Variants in CYP3A7 observed in about 807,000 individuals in gnomAD.
The protein encoded by CYP3A7 is cytochrome P450 family 3 subfamily A member 7.
A neutral mutation model predicts 55.2 loss-of-function variants in CYP3A7; 45 were observed. The observed-to-expected ratio is 0.82, with a 90% CI of 0.64 to 1.05. The LOEUF (loss-of-function observed/expected upper bound fraction) is 1.05. Among genes scored for constraint, CYP3A7 ranks in the 50% least tolerant of loss-of-function variants. The probability of loss-of-function intolerance (pLI) is 0.00; values close to 1 mark genes in which losing one functional copy is unlikely to be tolerated. For missense variants in CYP3A7, 548 were observed against 605.3 expected (o/e 0.91, Z 0.99); for synonymous variants, 180 against 207.4 (o/e 0.87, Z 1.13).
intron 4 of CYP3A7, among the ~76,000 whole-genome samples, chr7:99,719,443 C>G (rs12673716): frequency 6.6e-6 from 1 of 152,098 alleles, no homozygotes; most frequent in South Asian, 2.1e-4. Flanking sequence ...GAACGTTGAT[C>G]TAAATCTCAT....
Position 99,730,025 on chromosome 7 carries a change from T to A in CYP3A7, c.165+1034A>T, listed in dbSNP as rs752469763. ...AAGCCCTCACTTAGGAGAACTAGAA[T>A]CTGAGAAACAAGCCTCAGGTATGCA... On this transcript the variant is annotated intron_variant, in intron 2 of 12. Transcript: ENST00000336374. 2.6e-4 allele frequency among the ~76,000 whole-genome samples: 40 copies of A among 152,160 alleles called. 1 individual carries two copies. Among genetic ancestry groups the A allele is most frequent in the Non-Finnish European group, 1.0e-4 (7 of 68,030 alleles).
intron 2 of CYP3A7, among the ~76,000 whole-genome samples, chr7:99,722,982 G>A (rs188885424): frequency 2.0e-5 from 3 of 152,078 alleles, no homozygotes; most frequent in African/African-American, 4.8e-5. Context: ...TCTACACATC[G>A]GAGACAGAAA....
Position 99,717,570 on chromosome 7 carries a change from G to T in CYP3A7, c.388C>A (p.Arg130=), listed in dbSNP as rs766477991. The change falls in exon 5 of 13, where the codon CGA becomes AGA. Residue 130 remains arginine (R), a synonymous_variant. Coordinates refer to ENST00000336374, the MANE Select transcript of CYP3A7 (RefSeq NM_000765.5). The part of the protein sequence containing the change: ...IAEDEEWKRI[R]SLLSPTFTSG... ...GTGAATGTTGGAGACAGCAATGATC[G>T]TATTCTCTTCCATTCTTCATCCTCA... The T allele has an allele frequency of 3.7e-6, 6 of 1,613,632 alleles. No homozygotes were observed. The highest frequency in any genetic ancestry group is 5.1e-6 in the Non-Finnish European group (6 of 1,179,780).
chr7:99,727,522 C>T (rs757492285), intron 2 of CYP3A7, among the ~76,000 whole-genome samples: 17 of 152,180 alleles, frequency 1.1e-4, no homozygotes, highest in Admixed American at 3.3e-4. Context: ...CCTGATACCA[C>T]ACCTTATCCC....
intron 3 of CYP3A7, among the ~76,000 whole-genome samples, chr7:99,721,901 G>A (rs1325033687): frequency 6.6e-6 from 1 of 152,138 alleles, no homozygotes; most frequent in Non-Finnish European, 1.5e-5. Flanking sequence ...CTTGCAGAAA[G>A]CCCAACCCAA....
chr7:99,731,638 C>A (rs1584526246), intron 1 of CYP3A7, among the ~76,000 whole-genome samples: 1 of 152,152 alleles, frequency 6.6e-6, no homozygotes, highest in Non-Finnish European at 1.5e-5. Flanking sequence ...TATGGTGACC[C>A]TGTCTTTAGA....
chr7:99,710,800 C>A lies in CYP3A7; in HGVS notation c.958G>T (p.Glu320Ter), dbSNP rs1250225765. The change falls in exon 10 of 13, where the codon GAA (glutamate) becomes TAA (stop). Residue 320 changes from glutamate (E) to a stop codon, truncating the protein, a stop_gained. Transcript: ENST00000336374. LOFTEE classifies it high-confidence loss of function. The stretch of plus-strand genomic sequence containing the variant: ...TGGACATCAGGGTGAGTGGCCAGTT[C>A]ATATATAATGAAGGAGAGAACACTG... ...TSSVLSFIIY[E>*]LATHPDVQQK... 6.2e-7 allele frequency: 1 copy of A among 1,613,852 alleles called. No individual in the cohort carries two copies. Among genetic ancestry groups the A allele is most frequent in the Admixed American group, 1.7e-5 (1 of 59,976 alleles).
Position 99,707,324 on chromosome 7 carries a change from CT to C in CYP3A7, c.1416+487del, listed in dbSNP as rs1813562773. On this transcript the variant is annotated intron_variant, in intron 12 of 12. Transcript: ENST00000336374. Reference sequence around the variant, plus strand: ...ATGGGGGAGCTTTTAAAGCCACACTCTGGGCAAATTAGTTTAGAATTTCTGA... The same window carrying C: ...ATGGGGGAGCTTTTAAAGCCACACTCGGGCAAATTAGTTTAGAATTTCTGA... Among the ~76,000 whole-genome samples, 9 of 152,242 alleles carry C rather than the reference CT, an allele frequency of 5.9e-5. 2 individuals carry two copies. The Middle Eastern group carries it at 0.027, about 460-fold the overall frequency.
At chr7:99,726,976 G>A (rs543199478) in intron 2 of CYP3A7, among the ~76,000 whole-genome samples, 1 of 152,226 alleles carries the variant, frequency 6.6e-6, no homozygotes, top group African/African-American at 2.4e-5. Context: ...GGCATGGTTG[G>A]ATACTTTTGC....
At chr7:99,729,434 C>T (rs1261421437) in intron 2 of CYP3A7, among the ~76,000 whole-genome samples, 1 of 152,030 alleles carries the variant, frequency 6.6e-6, no homozygotes, top group Non-Finnish European at 1.5e-5. Flanking sequence ...CCATACCACC[C>T]CCCAAAAATT....
chr7:99,734,708 G>A (rs1301791239), intron 1 of CYP3A7, among the ~76,000 whole-genome samples: 2 of 148,702 alleles, frequency 1.3e-5, no homozygotes, highest in Middle Eastern at 3.5e-3. Flanking sequence ...TGCAACCTCC[G>A]CCTCCCAGGT....
chr7:99,708,499 A>C (rs1348698794), intron 11 of CYP3A7, among the ~76,000 whole-genome samples: 9 of 149,678 alleles, frequency 6.0e-5, no homozygotes, highest in East Asian at 2.0e-4. Flanking sequence ...CCTTCTTCTA[A>C]TCTCCATCTC....
At chr7:99,731,983 G>A (rs1008580701) in intron 1 of CYP3A7, among the ~76,000 whole-genome samples, 2 of 152,128 alleles carry the variant, frequency 1.3e-5, no homozygotes, top group Admixed American at 1.3e-4. Flanking sequence ...CTTCCAACTG[G>A]TGATATCCAC....
intron 10 of CYP3A7, among the ~76,000 whole-genome samples, chr7:99,709,894 G>A (rs557930142): frequency 2.6e-5 from 4 of 152,186 alleles, no homozygotes; most frequent in Admixed American, 2.0e-4. Context: ...ATAATTTGAG[G>A]AAAAACTAGT....
intron 2 of CYP3A7, among the ~76,000 whole-genome samples, chr7:99,723,035 A>T (rs943628610): frequency 2.4e-4 from 37 of 151,504 alleles, no homozygotes; most frequent in African/African-American, 8.5e-4. Flanking sequence ...CTTAAAAAAA[A>T]ACCTTCCTGT....
At position 99,714,575 on chromosome 7, in the gene CYP3A7, G is replaced by A. The variant is rs371807974; in HGVS notation, c.778C>T (p.Arg260Cys). The change falls in exon 8 of 13, where the codon CGC becomes TGC. Residue 260 changes from arginine (R) to cysteine (C), a missense_variant. Physicochemically the swap from Arg to Cys is radical, Grantham distance 180. Transcript: ENST00000336374. Reference sequence around the variant, plus strand: ...TTTACCTTTTGTGTCTCTTTGAGGCGACCTTCTTTTATCTGTTTTACAGAT... The same window carrying A: ...TTTACCTTTTGTGTCTCTTTGAGGCAACCTTCTTTTATCTGTTTTACAGAT... ...TKSVKQIKEG[R>C]LKETQKHRVD... 10 of 1,612,526 alleles carry A rather than the reference G, an allele frequency of 6.2e-6. No individual in the cohort carries two copies. The highest frequency in any genetic ancestry group is 1.1e-5 in the South Asian group (1 of 90,980).
Position 99,709,049 on chromosome 7 carries a change from C to T in CYP3A7, c.1239G>A (p.Lys413=). The change falls in exon 11 of 13, where the codon AAG becomes AAA. Residue 413 remains lysine, a synonymous_variant. Coordinates refer to ENST00000336374, the MANE Select transcript of CYP3A7 (RefSeq NM_000765.5). ...HDPKYWTEPE[K]FLPERFSKKN... ...GGGCCTCCTACCTTTCAGGGAGGAACTTCTCAGGCTCTGTCCAGTACTTTG... is the reference window on the plus strand; with the variant it reads ...GGGCCTCCTACCTTTCAGGGAGGAATTTCTCAGGCTCTGTCCAGTACTTTG... 1 of 1,613,958 alleles carries T rather than the reference C, an allele frequency of 6.2e-7. No individual in the cohort carries two copies. Among genetic ancestry groups the T allele is most frequent in the Non-Finnish European group, 8.5e-7 (1 of 1,179,914 alleles).
chr7:99,717,063 G>A (rs1173720174), intron 6 of CYP3A7, 114 bp downstream of exon 6: 4 of 1,308,492 alleles, frequency 3.1e-6, no homozygotes, highest in Non-Finnish European at 4.4e-6. Context: ...CATTACCACA[G>A]CCCTCCTTTT....
intron 11 of CYP3A7, among the ~76,000 whole-genome samples, chr7:99,708,421 T>C (rs1304956361): frequency 6.6e-6 from 1 of 152,098 alleles, no homozygotes. Flanking sequence ...CTCTCGTCTC[T>C]TGTTTTTCTA....
Sources: allele counts gnomAD v4.1 joint callset (sites outside exome capture counted in the v4.1 genomes callset), GRCh38; gene constraint gnomAD v4.1.1; transcripts MANE v1.5; gene names NCBI Gene and HGNC (gene_info 2026-07-23, HGNC 2026-07-21).